SMURF2: variants seen among roughly 807,000 people sequenced by gnomAD.
SMURF2 encodes SMAD specific E3 ubiquitin protein ligase 2, also known as E3 ubiquitin-protein ligase SMURF2.
Under a neutral mutation model 109.6 loss-of-function variants are expected in SMURF2, and 48 were observed. The ratio of observed to expected loss-of-function variants is 0.44; its 90% CI spans 0.35 to 0.56. The LOEUF (loss-of-function observed/expected upper bound fraction) is 0.56. SMURF2 is among the 20% of genes least tolerant of loss of function. The probability of loss-of-function intolerance (pLI) is 0.01; values close to 1 mark genes in which losing one functional copy is unlikely to be tolerated. For synonymous variants in SMURF2, 288 were observed against 317.1 expected (o/e 0.91, Z 0.97); for missense variants, 575 against 909.0 (o/e 0.63, Z 4.72).
chr17:64,607,428 C>A (rs1189280994), intron 1 of SMURF2, among the ~76,000 whole-genome samples: 1 of 151,558 alleles, frequency 6.6e-6, no homozygotes, highest in Non-Finnish European at 1.5e-5. Flanking sequence ...GAGTTCGAGA[C>A]CAGCCTGGCC....
intron 1 of SMURF2, among the ~76,000 whole-genome samples, chr17:64,659,482 C>G (rs370719847): frequency 2.0e-4 from 30 of 150,160 alleles, no homozygotes; most frequent in Middle Eastern, 3.5e-3. Context: ...TAAAGGTATG[C>G]CAAACATTTC....
intron 1 of SMURF2, among the ~76,000 whole-genome samples, chr17:64,607,403 G>A (rs868954212): frequency 1.2e-4 from 18 of 152,068 alleles, no homozygotes; most frequent in Admixed American, 7.2e-4. Flanking sequence ...CGAGGCGGGC[G>A]GATCACAATG....
chr17:64,621,643 A>C (rs1317298997), intron 1 of SMURF2, among the ~76,000 whole-genome samples: 2 of 151,164 alleles, frequency 1.3e-5, no homozygotes. Flanking sequence ...TGGGAGGCCG[A>C]GGTGGGTGGA....
chr17:64,569,962 C>T (rs1485545134), intron 10 of SMURF2, among the ~76,000 whole-genome samples: 3 of 152,168 alleles, frequency 2.0e-5, no homozygotes, highest in African/African-American at 4.8e-5. Flanking sequence ...GATACTTTTA[C>T]ATTAGGGCTT....
At chr17:64,600,383 T>C (rs1463879701) in intron 2 of SMURF2, among the ~76,000 whole-genome samples, 2 of 152,216 alleles carry the variant, frequency 1.3e-5, no homozygotes, top group African/African-American at 4.8e-5. Context: ...TGTTAGACAT[T>C]GGGATAGAGT....
chr17:64,637,649 T>C (rs1970435070), intron 1 of SMURF2, among the ~76,000 whole-genome samples: 1 of 151,004 alleles, frequency 6.6e-6, no homozygotes, highest in Non-Finnish European at 1.5e-5. Flanking sequence ...CTGTAACTGC[T>C]GCCTCCCAGG....
intron 3 of SMURF2, among the ~76,000 whole-genome samples, 191 bp downstream of exon 3, chr17:64,598,191 T>G (rs1234466874): frequency 1.3e-5 from 2 of 152,202 alleles, no homozygotes; most frequent in Non-Finnish European, 2.9e-5. Context: ...TCATAGAATT[T>G]TAGAGATACC....
chr17:64,607,592 C>T (rs1555689168), intron 1 of SMURF2, among the ~76,000 whole-genome samples: 2 of 149,796 alleles, frequency 1.3e-5, no homozygotes, highest in Non-Finnish European at 2.9e-5. Context: ...CGCCACTGCA[C>T]TCCAGCCTGG....
intron 10 of SMURF2, among the ~76,000 whole-genome samples, chr17:64,563,938 G>C (rs886522529): frequency 2.6e-5 from 4 of 152,062 alleles, no homozygotes; most frequent in African/African-American, 4.8e-5. Context: ...AAAAGACACT[G>C]TTTAGGAAAA....
intron 1 of SMURF2, among the ~76,000 whole-genome samples, chr17:64,657,872 C>A (rs1342888313): frequency 6.6e-6 from 1 of 152,090 alleles, no homozygotes; most frequent in East Asian, 1.9e-4. Flanking sequence ...CTAAAATACA[C>A]AGACTTTATT....
rs1968981900 is a variant in SMURF2, at chr17:64,547,874, T to A, written c.1870-73A>T. 3 of 1,339,602 alleles carry A rather than the reference T, an allele frequency of 2.2e-6. No homozygotes were observed. The highest frequency in any genetic ancestry group is 3.4e-5 in the Admixed American group (2 of 58,154). 83.0% of individuals were successfully genotyped at this position (1,339,602 alleles called of 1,614,324 possible). A position where few individuals can be genotyped will look rare whatever the true frequency, so the allele number is the denominator to read the frequency against. The stretch of plus-strand genomic sequence containing the variant: ...CCAAAAATTCCTCAAAAGAGAACTT[T>A]AGGTTTGTACTGCTGGCTGTCATTT... On this transcript the variant is annotated intron_variant, in intron 16 of 18. Transcript: ENST00000262435. This position sits in a 1 kb window ranked among gnomAD's most constrained non-coding sequence, Gnocchi z 4.2.
At chr17:64,551,358 GAA>G (rs373237402) in intron 16 of SMURF2, among the ~76,000 whole-genome samples, 1 of 139,608 alleles carries the variant, frequency 7.2e-6, no homozygotes, top group Non-Finnish European at 1.6e-5. Flanking sequence ...CCCTGTCTCA[GAA>G]AAAAAAAAAG....
rs782421543 is a variant in SMURF2 at position 64,578,484 on chromosome 17, G to A, written c.857+8C>T. ...ATGGTCTAAAGAGTGCTTAAAATAC[G>A]TTCTTACCTGGGCACTCTTGGATCA... On this transcript the variant is annotated splice_region_variant and intron_variant, in intron 9 of 18. Transcript: ENST00000262435. The A allele has an allele frequency of 1.3e-5, 20 of 1,595,304 alleles. 1 individual carries two copies. The highest frequency in any genetic ancestry group is 1.7e-4 in the Middle Eastern group (1 of 6,048).
chr17:64,653,579 T>C (rs1970666845), intron 1 of SMURF2, among the ~76,000 whole-genome samples: 1 of 152,120 alleles, frequency 6.6e-6, no homozygotes, highest in African/African-American at 2.4e-5. Context: ...GCTTCTCAGG[T>C]AGCTGATACT....
chr17:64,631,279 GGGGA>G (rs1970338757), intron 1 of SMURF2, among the ~76,000 whole-genome samples: 6 of 7,450 alleles, frequency 8.1e-4, no homozygotes, highest in African/African-American at 2.6e-3. Flanking sequence ...AGAGGGGGGG[GGGGA>G]GAGAGAGAGA....
chr17:64,604,275 G>A (rs1008022108), intron 2 of SMURF2, among the ~76,000 whole-genome samples: 1 of 152,100 alleles, frequency 6.6e-6, no homozygotes, highest in Non-Finnish European at 1.5e-5. Flanking sequence ...CCCATTCTAA[G>A]TTTTAAAGAT....
chr17:64,624,865 C>A (rs1970248013), intron 1 of SMURF2, among the ~76,000 whole-genome samples: 1 of 151,932 alleles, frequency 6.6e-6, no homozygotes, highest in South Asian at 2.1e-4. Context: ...AATAGTATTG[C>A]CTCAATAAAA....
chr17:64,633,652 G>GT (rs1970376959), intron 1 of SMURF2, among the ~76,000 whole-genome samples: 1 of 152,006 alleles, frequency 6.6e-6, no homozygotes, highest in Non-Finnish European at 1.5e-5. Context: ...TACAACTTCA[G>GT]TTGATTAGAG....
intron 1 of SMURF2, among the ~76,000 whole-genome samples, chr17:64,609,498 C>T (rs1417204083): frequency 1.3e-5 from 2 of 152,030 alleles, no homozygotes; most frequent in African/African-American, 4.8e-5. Flanking sequence ...CTTTGACAAA[C>T]CTGACAAAAA....
Sources: gnomAD v4.1 joint callset for allele counts (sites outside exome capture counted in the v4.1 genomes callset) on GRCh38, gnomAD v4.1.1 for gene constraint, Gnocchi (gnomAD v3.1) non-coding constraint, MANE v1.5 for transcripts, NCBI Gene and HGNC (gene_info 2026-07-23, HGNC 2026-07-21) for gene names.